The following ABAT variants were observed in gnomAD, a reference collection of about 807,000 sequenced individuals.
ABAT encodes the protein 4-aminobutyrate aminotransferase.
A neutral mutation model predicts 64.6 loss-of-function variants in ABAT; 45 were observed. That is an observed-to-expected ratio of 0.70 (90% CI 0.55 to 0.89). ABAT has a LOEUF of 0.89. Ranked by LOEUF, ABAT falls within the 40% of genes least tolerant of loss-of-function variation. The pLI is 0.00. For synonymous variants in ABAT, 297 were observed against 250.5 expected (o/e 1.19, Z -1.75); for missense variants, 633 against 658.4 (o/e 0.96, Z 0.42).
chr16:8,767,052 A>G (rs952975069), intron 9 of ABAT, among the ~76,000 whole-genome samples: 3 of 152,200 alleles, frequency 2.0e-5, no homozygotes, highest in Non-Finnish European at 2.9e-5. Context: ...CAGAGGTCTC[A>G]GGGAATTGGT....
intron 13 of ABAT, among the ~76,000 whole-genome samples, 170 bp downstream of exon 13, chr16:8,775,227 T>TCTC (rs1048757587): frequency 4.6e-5 from 7 of 152,020 alleles, no homozygotes; most frequent in Admixed American, 3.9e-4. Context: ...CCCTCCCAGC[T>TCTC]CTCTCTGTAA....
rs753284413 is a variant in ABAT at position 8,750,551 on chromosome 16, G to C, written c.316+12G>C. ...CTCTGTCCCCATAGGTAAGAGCTGG[G>C]AAATCATTCCTTGGATATAACCTCT... On this transcript the variant is annotated intron_variant, in intron 5 of 15. Coordinates refer to ENST00000268251, the MANE Select transcript of ABAT (RefSeq NM_020686.6). 5.0e-6 allele frequency: 8 copies of C among 1,608,300 alleles called. No individual in the cohort carries two copies. The Admixed American group carries it at 1.3e-4, about 27-fold the overall frequency.
intron 11 of ABAT, among the ~76,000 whole-genome samples, chr16:8,770,730 C>T (rs766377340): frequency 1.9e-4 from 29 of 152,256 alleles, no homozygotes; most frequent in African/African-American, 6.0e-4. Context: ...TGTGAGCCAC[C>T]GTGCGTGGCC....
At chr16:8,712,013 A>T (rs1260112529) in intron 1 of ABAT, among the ~76,000 whole-genome samples, 1 of 133,752 alleles carries the variant, frequency 7.5e-6, no homozygotes, top group Non-Finnish European at 1.6e-5. Flanking sequence ...GTCGGGGGGG[A>T]GGGGCAGATC....
intron 15 of ABAT, chr16:8,780,379 T>A (rs1373101532): frequency 6.5e-6 from 1 of 154,332 alleles, no homozygotes; most frequent in African/African-American, 2.4e-5. Flanking sequence ...TGTCAGTTCT[T>A]CTTGTGCCAT....
At chr16:8,687,171 G>A (rs1374922615) in intron 1 of ABAT, among the ~76,000 whole-genome samples, 2 of 152,112 alleles carry the variant, frequency 1.3e-5, no homozygotes, top group African/African-American at 4.8e-5. Context: ...GACGGAAAGT[G>A]TTTGCCGAGA....
chr16:8,732,845 A>G (rs1450500983), intron 1 of ABAT, among the ~76,000 whole-genome samples: 1 of 146,102 alleles, frequency 6.8e-6, no homozygotes, highest in Non-Finnish European at 1.5e-5. Context: ...CTGGCCGGGC[A>G]GAGGGGCTCC....
intron 2 of ABAT, among the ~76,000 whole-genome samples, chr16:8,738,762 A>T (rs2059069703): frequency 6.6e-6 from 1 of 151,478 alleles, no homozygotes; most frequent in Admixed American, 6.6e-5. Flanking sequence ...CTCCTGCCTC[A>T]GCCTCCCAAG....
At chr16:8,746,324 G>T (rs1023122987) in intron 3 of ABAT, among the ~76,000 whole-genome samples, 1 of 151,896 alleles carries the variant, frequency 6.6e-6, no homozygotes, top group Non-Finnish European at 1.5e-5. Flanking sequence ...AGGTTGAGGC[G>T]GGCGGATCAC....
intron 6 of ABAT, 147 bp downstream of exon 6, chr16:8,757,953 C>A: frequency 3.1e-6 from 3 of 972,948 alleles, no homozygotes; most frequent in Non-Finnish European, 4.8e-6. Context: ...AGGTATGTGG[C>A]ATGCCTTGAT....
chr16:8,769,122 G>A, intron 11 of ABAT, 149 bp downstream of exon 11: 1 of 1,121,048 alleles, frequency 8.9e-7, no homozygotes, highest in East Asian at 2.5e-5. Context: ...CAGAGGCCTT[G>A]CGTCCCAAAT....
At chr16:8,729,564 A>G (rs189002188) in intron 1 of ABAT, among the ~76,000 whole-genome samples, 71 of 152,258 alleles carry the variant, frequency 4.7e-4, no homozygotes, top group Non-Finnish European at 8.4e-4. Context: ...TCATGCCTAT[A>G]ATCCCAGCAC....
At chr16:8,722,782 G>A (rs780879798) in intron 1 of ABAT, 20 of 1,287,454 alleles carry the variant, frequency 1.6e-5, no homozygotes, top group South Asian at 6.2e-5. Context: ...CCCATCCAGG[G>A]TCTAGCGGAT....
At chr16:8,681,280 C>G (rs532138286) in intron 1 of ABAT, among the ~76,000 whole-genome samples, 3 of 151,430 alleles carry the variant, frequency 2.0e-5, no homozygotes, top group South Asian at 2.1e-4. Context: ...TGTGAACTGC[C>G]TCGCCTGGCC....
At chr16:8,755,198 A>G (rs1345423157) in intron 5 of ABAT, among the ~76,000 whole-genome samples, 2 of 151,972 alleles carry the variant, frequency 1.3e-5, no homozygotes, top group Non-Finnish European at 1.5e-5. Context: ...ACTGGCTGCC[A>G]TGGGTGTACT....
Position 8,781,262 on chromosome 16 carries a change from G to C in ABAT, c.1382-47G>C. On this transcript the variant is annotated intron_variant, in intron 15 of 15. Transcript: ENST00000268251. This position sits in a 1 kb window ranked among gnomAD's most constrained non-coding sequence, Gnocchi z 4.5. ...ACTTTCCCCCCAGCTCTCCCAGCAT[G>C]TGACTTTGAGAAACCACGCTCCTCA... 2.5e-6 allele frequency: 4 copies of C among 1,613,328 alleles called. No homozygotes were observed. In the African/African-American group the frequency reaches 4.0e-5, roughly 16 times the overall value.
At chr16:8,770,671 GC>G (rs2060080522) in intron 11 of ABAT, among the ~76,000 whole-genome samples, 1 of 151,884 alleles carries the variant, frequency 6.6e-6, no homozygotes, top group Non-Finnish European at 1.5e-5. Context: ...AAACTCCTGG[GC>G]CCAAGTGGTC....
At chr16:8,678,824 A>G (rs941133050) in intron 1 of ABAT, among the ~76,000 whole-genome samples, 3 of 152,224 alleles carry the variant, frequency 2.0e-5, no homozygotes, top group Non-Finnish European at 4.4e-5. Context: ...TTCCTGAGTC[A>G]TATTATTTAG....
intron 1 of ABAT, among the ~76,000 whole-genome samples, chr16:8,687,802 A>G (rs1489729627): frequency 2.0e-5 from 3 of 152,336 alleles, no homozygotes; most frequent in South Asian, 2.1e-4. Flanking sequence ...TCCAGGCCTC[A>G]GTTTCCTCAC....
Sources: gnomAD v4.1 joint callset for allele counts (sites outside exome capture counted in the v4.1 genomes callset) on GRCh38, gnomAD v4.1.1 for gene constraint, Gnocchi (gnomAD v3.1) non-coding constraint, MANE v1.5 for transcripts, NCBI Gene and HGNC (gene_info 2026-07-23, HGNC 2026-07-21) for gene names.